The following DUOX2 variants were observed in gnomAD, a reference collection of about 807,000 sequenced individuals.
The protein encoded by DUOX2 is dual oxidase 2.
DUOX2 carries 185 observed loss-of-function variants against 183.3 expected under a neutral mutation model. The ratio of observed to expected loss-of-function variants is 1.01; its 90% CI spans 0.90 to 1.14. DUOX2 has a LOEUF of 1.14. DUOX2 is among the 50% of genes most tolerant of loss of function. DUOX2 has a pLI of 0.00. For missense variants in DUOX2, 1,999 were observed against 2,022.9 expected (o/e 0.99, Z 0.23); for synonymous variants, 788 against 812.4 (o/e 0.97, Z 0.51).
chr15:45,097,302 C>A lies in DUOX2; in HGVS notation c.3783G>T (p.Lys1261Asn), dbSNP rs1453790650. The change falls in exon 29 of 34, where the codon AAG (lysine) becomes AAT (asparagine). Residue 1261 changes from lysine to asparagine, a missense_variant. Physicochemically the swap from Lys to Asn is moderately conservative, Grantham distance 94. Around this residue, in one of 3 missense-constraint regions of DUOX2, gnomAD observed 1,628 missense variants for 1,608.6 expected, o/e 1.01. Coordinates refer to ENST00000389039, the MANE Select transcript of DUOX2 (RefSeq NM_001363711.2). ...LVPAIIYGGD[K>N]LVSLSRKKVE... is the part of the protein sequence containing the mutation. Reference sequence around the variant, plus strand: ...CCTTCTTCCGGCTCAGGCTCACCAGCTTGTCACCTCCATAGATGATTGCCG... The same window carrying A: ...CCTTCTTCCGGCTCAGGCTCACCAGATTGTCACCTCCATAGATGATTGCCG... 1.9e-6 allele frequency: 3 copies of A among 1,614,262 alleles called. No individual in the cohort carries two copies. The highest frequency in any genetic ancestry group is 2.5e-6 in the Non-Finnish European group (3 of 1,180,052).
intron 4 of DUOX2, 125 bp from the exon 5 acceptor site, chr15:45,112,080 C>G: frequency 8.4e-7 from 1 of 1,197,076 alleles, no homozygotes; most frequent in Non-Finnish European, 1.2e-6. Flanking sequence ...CCGCCACCAG[C>G]TCTGCACGTT....
Position 45,111,757 on chromosome 15 carries a change from C to A in DUOX2, c.513+11G>T, listed in dbSNP as rs1431405485. The A allele has an allele frequency of 3.8e-6, 6 of 1,573,902 alleles. No homozygotes were observed. The South Asian group carries it at 6.9e-5, about 18-fold the overall frequency. On this transcript the variant is annotated intron_variant, in intron 5 of 33. Coordinates refer to ENST00000389039, the MANE Select transcript of DUOX2 (RefSeq NM_001363711.2). Reference sequence around the variant, plus strand: ...GGGTGCGGTCCCTTCCCGCCGCCTTCCCCGCCTCACCAGGTCCCGGGGGTT... The same window carrying A: ...GGGTGCGGTCCCTTCCCGCCGCCTTACCCGCCTCACCAGGTCCCGGGGGTT...
chr15:45,107,264 C>A, intron 14 of DUOX2, 81 bp downstream of exon 14: 1 of 1,554,832 alleles, frequency 6.4e-7, no homozygotes, highest in Non-Finnish European at 8.9e-7. Context: ...CCCTGGACAG[C>A]ACCAAGTGAT....
intron 18 of DUOX2, among the ~76,000 whole-genome samples, 153 bp downstream of exon 18, chr15:45,105,490 T>C (rs1894186929): frequency 6.6e-6 from 1 of 152,224 alleles, no homozygotes; most frequent in Non-Finnish European, 1.5e-5. Context: ...GTCACAGAGC[T>C]AAGTAAAGTG....
At position 45,106,145 on chromosome 15, in the gene DUOX2, T is replaced by C. The variant is rs1212496588; in HGVS notation, c.2128A>G (p.Ile710Val). 41 of 1,614,064 alleles carry C rather than the reference T, an allele frequency of 2.5e-5. No individual in the cohort carries two copies. Among genetic ancestry groups the C allele is most frequent in the Non-Finnish European group, 3.3e-5 (39 of 1,180,000 alleles). ...CATACCAGGTCATACTCCTTAGGGA[T>C]CTTGAGCAGCAGGGTGCGGCATCCT... Reference protein sequence around the residue: ...NRGCRTLLLKIPKEYDLVLLF... With the variant: ...NRGCRTLLLKVPKEYDLVLLF... The change falls in exon 17 of 34, where the codon ATC (isoleucine) becomes GTC (valine). Residue 710 changes from isoleucine to valine, a missense_variant. Transcript: ENST00000389039.
chr15:45,111,535 C>T lies in DUOX2; in HGVS notation c.564G>A (p.Ser188=), dbSNP rs1032374599. 8 of 1,554,940 alleles carry T rather than the reference C, an allele frequency of 5.1e-6. No individual in the cohort carries two copies. The highest frequency in any genetic ancestry group is 6.9e-6 in the Non-Finnish European group (8 of 1,153,622). Residue 188 remains serine, a synonymous_variant, in exon 6 of 34, where the codon TCG becomes TCA. Transcript: ENST00000389039. The part of the protein sequence containing the change: ...WLDGSAIYGS[S]HSWSDALRSF... Reference sequence around the variant, plus strand: ...TCCGCAGCGCGTCGCTCCAGGAGTGCGAGGAGCCATAGATGGCGCTGCCGT... The same window carrying T: ...TCCGCAGCGCGTCGCTCCAGGAGTGTGAGGAGCCATAGATGGCGCTGCCGT...
chr15:45,102,059 G>T, intron 20 of DUOX2, 70 bp from the exon 21 acceptor site: 3 of 1,567,860 alleles, frequency 1.9e-6, no homozygotes, highest in Non-Finnish European at 2.6e-6. Flanking sequence ...GCAGGGTGGG[G>T]CAGGCCCCAG....
rs763747727 is a variant in DUOX2 at position 45,097,603 on chromosome 15, AAGTCCCTCACCAGG to A, written c.3690_3693+10del. 1.9e-6 allele frequency: 3 copies of A among 1,614,228 alleles called. No homozygotes were observed. Among genetic ancestry groups the A allele is most frequent in the Non-Finnish European group, 8.5e-7 (1 of 1,180,034 alleles). Reference sequence around the variant, plus strand: ...CCCTGCTCCATGGGCTGGCCCAGGGAAGTCCCTCACCAGGGCATAGAGCAGGATGTAGAGGTGGT... The same window carrying A: ...CCCTGCTCCATGGGCTGGCCCAGGGAGCATAGAGCAGGATGTAGAGGTGGT... On this transcript the variant is annotated splice_donor_variant and splice_donor_5th_base_variant and coding_sequence_variant and intron_variant, in exon 28 of 34. Coordinates refer to ENST00000389039, the MANE Select transcript of DUOX2 (RefSeq NM_001363711.2). LOFTEE classifies it high-confidence loss of function.
chr15:45,102,385 G>A (rs111477569), intron 20 of DUOX2, among the ~76,000 whole-genome samples: 7,499 of 152,254 alleles, frequency 0.049, 237 homozygotes, highest in Middle Eastern at 0.11. Context: ...GGGGCACCAG[G>A]CAGCCAGGTG....
At position 45,106,569 on chromosome 15, in the gene DUOX2, T is replaced by C. The variant is rs370121680; in HGVS notation, c.1904A>G (p.Lys635Arg). 2 of 1,614,042 alleles carry C rather than the reference T, an allele frequency of 1.2e-6. No homozygotes were observed. The highest frequency in any genetic ancestry group is 1.7e-6 in the Non-Finnish European group (2 of 1,180,022). The change falls in exon 16 of 34, where the codon AAA (lysine) becomes AGA (arginine). Residue 635 changes from lysine (K) to arginine (R), a missense_variant. Lys to Arg is a conservative substitution (Grantham distance 26). This residue lies in a region of DUOX2 where 1,628 missense variants were observed against 1,608.6 expected (regional missense o/e 1.01). Coordinates refer to ENST00000389039, the MANE Select transcript of DUOX2 (RefSeq NM_001363711.2). ...GGCTGCTTCCTTCTTCACGCTCTCTTTGAGTTTCTTTTGTAGCTTCTTGTG... is the reference window on the plus strand; with the variant it reads ...GGCTGCTTCCTTCTTCACGCTCTCTCTGAGTTTCTTTTGTAGCTTCTTGTG... ...REHKKLQKKL[K>R]ESVKKEAAKD... is the part of the protein sequence containing the mutation.
chr15:45,106,372 A>G, intron 16 of DUOX2, 45 bp from the exon 17 acceptor site: 1 of 1,609,902 alleles, frequency 6.2e-7, no homozygotes, highest in Admixed American at 1.7e-5. Context: ...AGATGTCCCC[A>G]GGTCCCCGCC....
chr15:45,110,786 G>A, intron 7 of DUOX2, 76 bp from the exon 8 acceptor site: 1 of 1,605,960 alleles, frequency 6.2e-7, no homozygotes, highest in Non-Finnish European at 8.5e-7. Context: ...CCCAAGGACG[G>A]CTTCCGTGTG....
At chr15:45,113,521 G>A in intron 1 of DUOX2, 96 bp from the exon 2 acceptor site, 4 of 971,578 alleles carry the variant, frequency 4.1e-6, no homozygotes, top group Non-Finnish European at 6.3e-6. Flanking sequence ...TAGTACTGGA[G>A]GAGGAGCACC....
At chr15:45,110,617 C>G (rs1277292043) in intron 8 of DUOX2, 33 bp downstream of exon 8, 1 of 1,613,562 alleles carries the variant, frequency 6.2e-7, no homozygotes. Context: ...TCAGGATTCT[C>G]CGCACAGGTG....
intron 11 of DUOX2, chr15:45,109,271 C>G: frequency 1.7e-6 from 1 of 597,538 alleles, no homozygotes; most frequent in Non-Finnish European, 2.9e-6. Flanking sequence ...AATTAAGCAC[C>G]AAAGAGATTG....
chr15:45,101,233 A>G lies in DUOX2; in HGVS notation c.2893T>C (p.Ser965Pro). ...TCCCCAGGTGTCCGAGTGATGAACG[A>G]GACTCGACAGCTGATGTTTTGTTTA... ...IFKQNISCRV[S>P]FITRTPGERS... The change falls in exon 22 of 34, where the codon TCG (serine) becomes CCG (proline). Residue 965 changes from serine (S) to proline (P), a missense_variant. Transcript: ENST00000389039. The G allele has an allele frequency of 1.9e-6, 3 of 1,613,742 alleles. No homozygotes were observed. The highest frequency in any genetic ancestry group is 2.5e-6 in the Non-Finnish European group (3 of 1,179,900).
chr15:45,111,559 G>T lies in DUOX2; in HGVS notation c.540C>A (p.Asp180Glu), dbSNP rs772543345. 66 of 1,549,044 alleles carry T rather than the reference G, an allele frequency of 4.3e-5. No individual in the cohort carries two copies. Among genetic ancestry groups the T allele is most frequent in the Middle Eastern group, 2.3e-4 (1 of 4,392 alleles). Residue 180 changes from aspartate to glutamate, a missense_variant, in exon 6 of 34, where the codon GAC becomes GAA. Physicochemically the swap from Asp to Glu is conservative, Grantham distance 45. This residue lies in a region of DUOX2 where 356 missense variants were observed against 356.4 expected (regional missense o/e 1.00). Transcript: ENST00000389039. ...DLANQVTGWL[D>E]GSAIYGSSHS... ...GCGAGGAGCCATAGATGGCGCTGCC[G>T]TCCAGCCAGCCCGTCACCTGGTTGG...
intron 29 of DUOX2, among the ~76,000 whole-genome samples, chr15:45,096,489 T>A (rs1893904361): frequency 6.6e-6 from 1 of 152,234 alleles, no homozygotes; most frequent in South Asian, 2.1e-4. Flanking sequence ...ATTCAATTAA[T>A]CTTGGCAGGG....
intron 5 of DUOX2, 29 bp downstream of exon 5, chr15:45,111,739 G>C: frequency 6.5e-7 from 1 of 1,528,030 alleles, no homozygotes; most frequent in Non-Finnish European, 8.8e-7. Flanking sequence ...CTGGGGTGCG[G>C]TCCCTTCCCG....
Sources: gnomAD v4.1 joint callset for allele counts (sites outside exome capture counted in the v4.1 genomes callset) on GRCh38, gnomAD v4.1.1 for gene constraint, gnomAD v4.1.1 regional missense constraint, MANE v1.5 for transcripts, NCBI Gene and HGNC (gene_info 2026-07-23, HGNC 2026-07-21) for gene names.